SERAC1: variants seen among roughly 807,000 people sequenced by gnomAD.
SERAC1 encodes the protein serine active site containing 1, also known as protein SERAC1.
In SERAC1, 36 loss-of-function variants were observed where a neutral mutation model predicts 85.7. The ratio of observed to expected loss-of-function variants is 0.42; its 90% confidence interval spans 0.32 to 0.55. SERAC1 has a LOEUF of 0.55. Ranked by LOEUF, SERAC1 falls within the 20% of genes least tolerant of loss-of-function variation. SERAC1 has a pLI of 0.11. For missense variants in SERAC1, 629 were observed against 796.2 expected (o/e 0.79, Z 2.53); for synonymous variants, 242 against 265.3 (o/e 0.91, Z 0.85).
intron 14 of SERAC1, 141 bp downstream of exon 14, chr6:158,116,044 A>G (rs1784279492): frequency 1.7e-5 from 11 of 656,850 alleles, no homozygotes; most frequent in Admixed American, 2.8e-5. Context: ...AGTCCTAGCC[A>G]TAGCTACACA....
At chr6:158,142,530 G>A (rs1784942714) in intron 8 of SERAC1, among the ~76,000 whole-genome samples, 1 of 151,172 alleles carries the variant, frequency 6.6e-6, no homozygotes, top group Admixed American at 6.6e-5. Context: ...AGGCTGGAGT[G>A]CAGTGGCACA....
intron 3 of SERAC1, 68 bp downstream of exon 3, chr6:158,155,247 A>G: frequency 9.1e-7 from 1 of 1,098,818 alleles, no homozygotes; most frequent in Non-Finnish European, 1.4e-6. Flanking sequence ...CAACCTGTCA[A>G]TCACTGCCAT....
chr6:158,138,656 G>A (rs1784851358), intron 8 of SERAC1, among the ~76,000 whole-genome samples: 1 of 152,072 alleles, frequency 6.6e-6, no homozygotes. Flanking sequence ...AAGTACACAA[G>A]ACCCTGTCTA....
chr6:158,154,766 C>T (rs927527960), intron 3 of SERAC1, among the ~76,000 whole-genome samples: 2 of 152,106 alleles, frequency 1.3e-5, no homozygotes, highest in African/African-American at 4.8e-5. Flanking sequence ...ATACTTTTGA[C>T]CATAGTCAAT....
intron 6 of SERAC1, among the ~76,000 whole-genome samples, chr6:158,144,969 C>T (rs764897477): frequency 8.5e-5 from 13 of 152,142 alleles, no homozygotes; most frequent in Non-Finnish European, 1.6e-4. Flanking sequence ...GTTGGCCAGT[C>T]GCCATGGTTC....
chr6:158,134,819 T>C (rs1784754298), intron 8 of SERAC1, among the ~76,000 whole-genome samples: 1 of 152,112 alleles, frequency 6.6e-6, no homozygotes, highest in Non-Finnish European at 1.5e-5. Context: ...TCTCCTAATC[T>C]CAAAGTATCT....
chr6:158,144,840 A>G, intron 6 of SERAC1, among the ~76,000 whole-genome samples: 1 of 152,232 alleles, frequency 6.6e-6, no homozygotes, highest in East Asian at 1.9e-4. Context: ...ATGAATATTT[A>G]GTCTGCAGTT....
In SERAC1 at chr6:158,136,473, T is replaced by C. The variant is rs115839550; in HGVS notation, c.739-5987A>G. Among the ~76,000 whole-genome samples, 1,031 of 152,264 alleles carry C rather than the reference T, an allele frequency of 6.8e-3. 15 individuals carry two copies. Among genetic ancestry groups the C allele is most frequent in the African/African-American group, 0.024 (985 of 41,562 alleles). On this transcript the variant is annotated intron_variant, in intron 8 of 16. Coordinates refer to ENST00000647468, the MANE Select transcript of SERAC1 (RefSeq NM_032861.4). ...GTATGCTGGGGCTGACAGTCGCCTC[T>C]GTACGTGAGGAGTTTTGTTTTATTT...
chr6:158,121,237 G>A (rs572818494), intron 10 of SERAC1, among the ~76,000 whole-genome samples: 16 of 152,018 alleles, frequency 1.1e-4, no homozygotes, highest in Non-Finnish European at 2.2e-4. Flanking sequence ...AACTTATAAA[G>A]TCGTTACCTT....
At chr6:158,139,225 C>CTTT (rs1784862806) in intron 8 of SERAC1, among the ~76,000 whole-genome samples, 2 of 152,118 alleles carry the variant, frequency 1.3e-5, no homozygotes, top group Non-Finnish European at 2.9e-5. Context: ...AAAATTAAAA[C>CTTT]ATTTGGGGTG....
Position 158,119,535 on chromosome 6 carries a change from C to T in SERAC1, c.1167-365G>A, listed in dbSNP as rs190607804. Among the ~76,000 whole-genome samples the T allele has an allele frequency of 4.3e-4, 65 of 152,196 alleles. No individual in the cohort carries two copies. The highest frequency in any genetic ancestry group is 1.3e-3 in the African/African-American group (54 of 41,530). On this transcript the variant is annotated intron_variant, in intron 11 of 16. Transcript: ENST00000647468. The surrounding 1 kb of genome is among the most constrained non-coding windows in gnomAD (Gnocchi z 4.5). ...AAGTATTTAAGAAATTAAAGAAGAA[C>T]GTGCTAATAACAGTTTCAAAGTCAG... is the stretch of plus-strand genomic sequence containing the variant.
At chr6:158,115,766 G>A (rs1178632169) in intron 14 of SERAC1, among the ~76,000 whole-genome samples, 1 of 152,140 alleles carries the variant, frequency 6.6e-6, no homozygotes. Flanking sequence ...CAGGCACCCA[G>A]AGTCTGGGAC....
chr6:158,167,951 G>A (rs1039701535), intron 1 of SERAC1, among the ~76,000 whole-genome samples, 189 bp downstream of exon 1: 1 of 151,906 alleles, frequency 6.6e-6, no homozygotes, highest in African/African-American at 2.4e-5. Flanking sequence ...AGACGAGTCA[G>A]GCTCGCGACC....
intron 16 of SERAC1, chr6:158,112,652 G>A (rs1784175709): frequency 6.6e-6 from 1 of 151,274 alleles, no homozygotes; most frequent in East Asian, 1.9e-4. Context: ...GTAGACAAAA[G>A]AACCATCTGG....
chr6:158,150,249 AG>A (rs1785170717), intron 4 of SERAC1, among the ~76,000 whole-genome samples: 1 of 152,232 alleles, frequency 6.6e-6, no homozygotes, highest in Admixed American at 6.5e-5. Context: ...ACTTAATTTT[AG>A]GAGAGTTGCA....
intron 3 of SERAC1, among the ~76,000 whole-genome samples, chr6:158,154,331 T>TGAGCTA (rs1359521030): frequency 6.6e-6 from 1 of 152,188 alleles, no homozygotes; most frequent in Non-Finnish European, 1.5e-5. Flanking sequence ...AATATAATTG[T>TGAGCTA]GAGCTAGACA....
chr6:158,118,643 A>G (rs1784350188), intron 12 of SERAC1, among the ~76,000 whole-genome samples: 1 of 151,642 alleles, frequency 6.6e-6, no homozygotes, highest in South Asian at 2.1e-4. Context: ...AAAAGAAGGA[A>G]AGAAATGCAA....
intron 1 of SERAC1, 87 bp from the exon 2 acceptor site, chr6:158,158,451 A>G: frequency 1.0e-6 from 1 of 967,086 alleles, no homozygotes; most frequent in Non-Finnish European, 1.6e-6. Flanking sequence ...TTACCATCAC[A>G]GTGGATGACC....
intron 14 of SERAC1, 150 bp from the exon 15 acceptor site, chr6:158,115,121 T>C: frequency 1.3e-6 from 1 of 759,394 alleles, no homozygotes; most frequent in Non-Finnish European, 2.1e-6. Flanking sequence ...TACAGTAGTA[T>C]AAGAAATAAG....
Sources: allele counts gnomAD v4.1 joint callset (sites outside exome capture counted in the v4.1 genomes callset), GRCh38; gene constraint gnomAD v4.1.1; non-coding constraint Gnocchi (gnomAD v3.1); transcripts MANE v1.5; gene names NCBI Gene and HGNC (gene_info 2026-07-23, HGNC 2026-07-21).